Variants in MYH13 observed in about 807,000 individuals in gnomAD.
The protein encoded by MYH13 is myosin-13.
A neutral mutation model predicts 232.1 loss-of-function variants in MYH13; 177 were observed. The ratio of observed to expected loss-of-function variants is 0.76; its 90% CI spans 0.67 to 0.86. MYH13 has a LOEUF of 0.86. Ranked by LOEUF, MYH13 falls within the 40% of genes least tolerant of loss-of-function variation. The pLI, the probability that MYH13 is intolerant of heterozygous loss-of-function variation, is 0.00. For missense variants in MYH13, 2,246 were observed against 2,405.9 expected, an observed-to-expected ratio of 0.93 and a Z score of 1.39; for synonymous variants, 884 against 923.5, an observed-to-expected ratio of 0.96 and a Z score of 0.78.
At position 10,360,058 on chromosome 17, in the gene MYH13, C is replaced by T. The variant is rs2071780020; in HGVS notation, c.547G>A (p.Ala183Thr). Residue 183 changes from alanine to threonine, a missense_variant, in exon 7 of 41, where the codon GCT becomes ACT. Coordinates refer to ENST00000252172, the MANE Select transcript of MYH13 (RefSeq NM_003802.3). ...CGCTTGGTGTTCACAGTCTTCCCAG[C>T]CCCGGATTCTCCGCTGCCAATTTAA... Reference protein sequence around the residue: ...QSILITGESGAGKTVNTKRVI... With the variant: ...QSILITGESGTGKTVNTKRVI... 6.2e-7 allele frequency: 1 copy of T among 1,613,996 alleles called. No individual in the cohort carries two copies. The highest frequency in any genetic ancestry group is 8.5e-7 in the Non-Finnish European group (1 of 1,180,030).
chr17:10,313,653 C>A (rs1034267631), intron 29 of MYH13, among the ~76,000 whole-genome samples: 2 of 152,206 alleles, frequency 1.3e-5, no homozygotes, highest in African/African-American at 4.8e-5. Context: ...GTTATCATGT[C>A]TAGCTAGGTA....
chr17:10,347,238 G>A (rs1034794816), intron 12 of MYH13, among the ~76,000 whole-genome samples: 1 of 152,060 alleles, frequency 6.6e-6, no homozygotes, highest in Non-Finnish European at 1.5e-5. Context: ...TGTGGCAAGC[G>A]CCTGTAGTCC....
chr17:10,352,837 C>T (rs2071720634), intron 11 of MYH13, among the ~76,000 whole-genome samples: 1 of 152,158 alleles, frequency 6.6e-6, no homozygotes, highest in East Asian at 1.9e-4. Context: ...TAAATTTGGT[C>T]TAAAACTGCC....
chr17:10,357,066 T>C (rs2071754930), intron 8 of MYH13, among the ~76,000 whole-genome samples: 1 of 152,172 alleles, frequency 6.6e-6, no homozygotes, highest in Non-Finnish European at 1.5e-5. Context: ...GTTCAAGCGA[T>C]TCTCCTGCCT....
At chr17:10,364,221 G>C in intron 3 of MYH13, 106 bp downstream of exon 3, 1 of 1,194,376 alleles carries the variant, frequency 8.4e-7, no homozygotes, top group South Asian at 1.4e-5. Flanking sequence ...ACTAAGTTTT[G>C]TTCTGTCTTC....
chr17:10,320,289 C>T (rs375193158), intron 25 of MYH13, 46 bp from the exon 26 acceptor site: 98 of 1,604,504 alleles, frequency 6.1e-5, no homozygotes, highest in Non-Finnish European at 7.9e-5. Context: ...ATACAAGCCT[C>T]TTGGAGGGGG....
chr17:10,327,308 A>G (rs908870071), intron 22 of MYH13, among the ~76,000 whole-genome samples: 1 of 145,756 alleles, frequency 6.9e-6, no homozygotes, highest in Non-Finnish European at 1.5e-5. Context: ...GCCGCCTGCT[A>G]GTTTTTAAAA....
In MYH13 at chr17:10,364,412, A is replaced by G; in HGVS notation, c.119T>C (p.Val40Ala). The G allele has an allele frequency of 1.2e-6, 2 of 1,613,834 alleles. No individual in the cohort carries two copies. The highest frequency in any genetic ancestry group is 1.1e-5 in the South Asian group (1 of 91,014). Residue 40 changes from valine to alanine, a missense_variant, in exon 3 of 41, where the codon GTA becomes GCA. Val to Ala is a moderately conservative substitution (Grantham distance 64, BLOSUM62 0). Coordinates refer to ENST00000252172, the MANE Select transcript of MYH13 (RefSeq NM_003802.3). ...CACATACATTTCCTTATTATCCGCTACAAAGCAGGCTTTCTTGGAATCGAA... is the reference window on the plus strand; with the variant it reads ...CACATACATTTCCTTATTATCCGCTGCAAAGCAGGCTTTCTTGGAATCGAA... Reference protein sequence around the residue: ...RPFDSKKACFVADNKEMYVKG... With the variant: ...RPFDSKKACFAADNKEMYVKG...
rs1485806359 is a variant in MYH13, at chr17:10,354,810, G to A, written c.902-27C>T. ...TGTGAAACACAGATATCCCTTTAAT[G>A]GCTTATGCATAACTTACTCTGGGTT... On this transcript the variant is annotated intron_variant, in intron 10 of 40. Transcript: ENST00000252172. 3.1e-6 allele frequency: 5 copies of A among 1,604,788 alleles called. No individual in the cohort carries two copies. The African/African-American group carries it at 5.4e-5, about 17-fold the overall frequency.
intron 23 of MYH13, among the ~76,000 whole-genome samples, chr17:10,323,147 A>G (rs1006582900): frequency 4.6e-5 from 7 of 152,122 alleles, no homozygotes; most frequent in African/African-American, 1.4e-4. Flanking sequence ...ATGTCGCCTT[A>G]TGGACAGGTG....
chr17:10,332,196 A>T lies in MYH13; in HGVS notation c.2201T>A (p.Ile734Asn). 1.9e-6 allele frequency: 3 copies of T among 1,613,998 alleles called. No individual in the cohort carries two copies. Among genetic ancestry groups the T allele is most frequent in the Non-Finnish European group, 2.5e-6 (3 of 1,179,874 alleles). ...QRYRILNASA[I>N]PEGQFIDSKN... ...GCTGTCAATGAACTGCCCTTCAGGG[A>T]TAGCACTGGCATTGAGGATCCGGTA... is the stretch of plus-strand genomic sequence containing the variant. Residue 734 changes from isoleucine (I) to asparagine (N), a missense_variant, in exon 20 of 41, where the codon ATC (isoleucine) becomes AAC (asparagine). By Grantham distance (149) the Ile-to-Asn change is moderately radical (BLOSUM62 -3). Coordinates refer to ENST00000252172, the MANE Select transcript of MYH13 (RefSeq NM_003802.3).
At chr17:10,311,250 AG>A in intron 32 of MYH13, 23 bp from the exon 33 acceptor site, 1 of 1,613,300 alleles carries the variant, frequency 6.2e-7, no homozygotes, top group South Asian at 1.1e-5. Flanking sequence ...GGCTTGATTT[AG>A]GCTGTTTCAA....
chr17:10,311,334 A>G lies in MYH13; in HGVS notation c.4532-107T>C, dbSNP rs114617378. On this transcript the variant is annotated intron_variant, in intron 32 of 40. Coordinates refer to ENST00000252172, the MANE Select transcript of MYH13 (RefSeq NM_003802.3). ...GGCGATTCATTCATGACATTTATAC[A>G]GGAGAGAATACAGGGCAGCCGTTCA... The G allele has an allele frequency of 3.4e-4, 476 of 1,392,674 alleles. 2 individuals are homozygous for G. In the African/African-American group the frequency reaches 5.7e-3, roughly 17 times the overall value. 86.3% of individuals were successfully genotyped at this position (1,392,674 alleles called of 1,614,324 possible). A position where few individuals can be genotyped will look rare whatever the true frequency, so the allele number is the denominator to read the frequency against.
In MYH13 at chr17:10,312,746, G is replaced by T; in HGVS notation, c.4193C>A (p.Ala1398Asp). 6.2e-7 allele frequency: 1 copy of T among 1,608,248 alleles called. No homozygotes were observed. The highest frequency in any genetic ancestry group is 8.5e-7 in the Non-Finnish European group (1 of 1,178,288). ...CTCCTCTGCTTCCTGGAGCCTCTGG[G>T]CCAGTTTTTTCCTACGAAAACCAGA... ...EELEEAKKKL[A>D]QRLQEAEENT... Residue 1398 changes from alanine (A) to aspartate (D), a missense_variant, in exon 31 of 41, where the codon GCC (alanine) becomes GAC (aspartate). Transcript: ENST00000252172.
In MYH13 at chr17:10,304,711, G is replaced by A. The variant is rs1254403848; in HGVS notation, c.5467-1213C>T. The stretch of plus-strand genomic sequence containing the variant: ...ATTTAGGATGGAGATAATATTTCCT[G>A]CCCAGCCTACCTCAAATGTGGAGAT... On this transcript the variant is annotated intron_variant, in intron 37 of 40. Transcript: ENST00000252172. The surrounding 1 kb of genome is among the most constrained non-coding windows in gnomAD (Gnocchi z 5.3). Among the ~76,000 whole-genome samples the A allele has an allele frequency of 6.6e-6, 1 of 152,200 alleles. No homozygotes were observed. Among genetic ancestry groups the A allele is most frequent in the Non-Finnish European group, 1.5e-5 (1 of 68,024 alleles).
At position 10,333,128 on chromosome 17, in the gene MYH13, C is replaced by T. The variant is rs760470052; in HGVS notation, c.2120G>A (p.Arg707Gln). ...LRCNGVLEGIRICRKGFPSRI... is the reference protein window; with the variant it reads ...LRCNGVLEGIQICRKGFPSRI... ...GCTGGGGAATCCCTTCCTGCAAATC[C>T]GGATGCCCTCGAGGACCCCGTTACA... is the stretch of plus-strand genomic sequence containing the variant. Residue 707 changes from arginine to glutamine, a missense_variant, in exon 19 of 41, where the codon CGG becomes CAG. Arg to Gln is a conservative substitution (Grantham distance 43, BLOSUM62 1). Transcript: ENST00000252172. 26 of 1,551,696 alleles carry T rather than the reference C, an allele frequency of 1.7e-5. No individual in the cohort carries two copies. The highest frequency in any genetic ancestry group is 3.3e-4 in the Middle Eastern group (2 of 6,014).
intron 2 of MYH13, among the ~76,000 whole-genome samples, chr17:10,371,000 T>G (rs983709391): frequency 2.6e-5 from 4 of 152,224 alleles, no homozygotes; most frequent in Non-Finnish European, 5.9e-5. Flanking sequence ...ATTTCGTACA[T>G]TTCAGTGTAA....
Position 10,336,620 on chromosome 17 carries a change from A to G in MYH13, c.2057-3429T>C, listed in dbSNP as rs140742995. ...CCCTTAACCCCCGACCCCTACCTTT[A>G]TCAGGCTCTCACAGGGCTCTTACAC... On this transcript the variant is annotated intron_variant, in intron 18 of 40. Coordinates refer to ENST00000252172, the MANE Select transcript of MYH13 (RefSeq NM_003802.3). 3.2e-4 allele frequency among the ~76,000 whole-genome samples: 49 copies of G among 151,734 alleles called. No homozygotes were observed. The East Asian group carries it at 7.1e-3, about 22-fold the overall frequency.
intron 21 of MYH13, 50 bp from the exon 22 acceptor site, chr17:10,328,171 C>T: frequency 6.3e-7 from 1 of 1,598,338 alleles, no homozygotes; most frequent in South Asian, 1.1e-5. Context: ...GGTCTGGTCT[C>T]TGCACCCCCA....
Sources: allele counts gnomAD v4.1 joint callset (sites outside exome capture counted in the v4.1 genomes callset), GRCh38; gene constraint gnomAD v4.1.1; non-coding constraint Gnocchi (gnomAD v3.1); transcripts MANE v1.5; gene names NCBI Gene and HGNC (gene_info 2026-07-23, HGNC 2026-07-21).